Variants in TSPAN18 observed in about 807,000 individuals in gnomAD.
TSPAN18 encodes the protein tetraspanin 18.
A neutral mutation model predicts 27.3 loss-of-function variants in TSPAN18; 14 were observed. The observed-to-expected ratio is 0.51, with a 90% confidence interval of 0.34 to 0.80. The LOEUF (loss-of-function observed/expected upper bound fraction) is 0.80, where lower values mean the gene tolerates loss of function less well. TSPAN18 is among the 30% of genes least tolerant of loss of function. TSPAN18 has a pLI of 0.01. For synonymous variants in TSPAN18, 143 were observed against 136.5 expected (o/e 1.05, Z -0.33); for missense variants, 268 against 323.9 (o/e 0.83, Z 1.32).
intron 2 of TSPAN18, among the ~76,000 whole-genome samples, chr11:44,830,230 A>G (rs1165269409): frequency 6.6e-6 from 1 of 152,134 alleles, no homozygotes; most frequent in Non-Finnish European, 1.5e-5. Context: ...TCAGTGTTCA[A>G]TGCAGATACA....
chr11:44,783,105 G>A (rs2134957812), intron 2 of TSPAN18, among the ~76,000 whole-genome samples: 1 of 152,282 alleles, frequency 6.6e-6, no homozygotes, highest in African/African-American at 2.4e-5. Flanking sequence ...TGAGATTACA[G>A]GTGTGAGCCA....
intron 1 of TSPAN18, among the ~76,000 whole-genome samples, chr11:44,736,930 T>C (rs530813487): frequency 5.9e-5 from 9 of 152,246 alleles, no homozygotes; most frequent in Non-Finnish European, 1.3e-4. Context: ...TTAGGATTAC[T>C]TTAAATATTT....
At chr11:44,839,101 G>A (rs1005014947) in intron 2 of TSPAN18, among the ~76,000 whole-genome samples, 2 of 152,170 alleles carry the variant, frequency 1.3e-5, no homozygotes, top group Non-Finnish European at 2.9e-5. Context: ...ACAAAACAAG[G>A]AATTCTGTCT....
intron 2 of TSPAN18, among the ~76,000 whole-genome samples, chr11:44,781,012 A>T (rs1275633256): frequency 6.6e-6 from 1 of 152,218 alleles, no homozygotes; most frequent in Non-Finnish European, 1.5e-5. Context: ...TTTAAGAGAA[A>T]GCGGTTGCGA....
intron 2 of TSPAN18, among the ~76,000 whole-genome samples, chr11:44,848,913 T>A (rs1047312670): frequency 1.3e-5 from 2 of 152,164 alleles, no homozygotes; most frequent in Non-Finnish European, 2.9e-5. Context: ...AGGAGGCAGG[T>A]GCTGGGGCCC....
At chr11:44,926,458 G>A (rs1255614244) in intron 8 of TSPAN18, 1 of 562,064 alleles carries the variant, frequency 1.8e-6, no homozygotes. Flanking sequence ...CCACCTTAGG[G>A]GCCGGGTGGC....
intron 3 of TSPAN18, among the ~76,000 whole-genome samples, chr11:44,882,645 G>C (rs902224969): frequency 6.7e-6 from 1 of 149,938 alleles, no homozygotes; most frequent in Non-Finnish European, 1.5e-5. Flanking sequence ...GAGCATGTGC[G>C]TGCATGTATG....
At chr11:44,734,655 C>G (rs1854743902) in intron 1 of TSPAN18, among the ~76,000 whole-genome samples, 1 of 152,222 alleles carries the variant, frequency 6.6e-6, no homozygotes, top group South Asian at 2.1e-4. Flanking sequence ...TTGTGTTGAA[C>G]TAATATGGCT....
At chr11:44,791,804 C>A (rs914867254) in intron 2 of TSPAN18, among the ~76,000 whole-genome samples, 1 of 152,230 alleles carries the variant, frequency 6.6e-6, no homozygotes, top group Non-Finnish European at 1.5e-5. Context: ...GCACTCAAGG[C>A]ACCCTCACTT....
Position 44,919,938 on chromosome 11 carries a change from A to G in TSPAN18, c.554A>G (p.Asp185Gly). 6.2e-7 allele frequency: 1 copy of G among 1,614,190 alleles called. No individual in the cohort carries two copies. The highest frequency in any genetic ancestry group is 8.5e-7 in the Non-Finnish European group (1 of 1,180,020). Residue 185 changes from aspartate (D) to glycine (G), a missense_variant, in exon 8 of 10, where the codon GAC becomes GGC. Coordinates refer to ENST00000520358, the MANE Select transcript of TSPAN18 (RefSeq NM_130783.5). ...TGCCGGAGGGAACCCCAAAGTCGGG[A>G]CGGGGTCCTGCTGAGCCGGGAGGAG... ...ACCRREPQSR[D>G]GVLLSREECL...
At chr11:44,739,350 G>C (rs1043306610) in intron 1 of TSPAN18, among the ~76,000 whole-genome samples, 1 of 152,156 alleles carries the variant, frequency 6.6e-6, no homozygotes, top group Non-Finnish European at 1.5e-5. Flanking sequence ...GGCTGGGTGC[G>C]GTGGCTCATG....
chr11:44,929,541 GAA>G lies in TSPAN18; in HGVS notation c.*365_*366del. ...TCACTGCACCAGGACCTGATGCCAA[GAA>G]AGTGAGGATTTAGGCAACAAGGAGG... On this transcript the variant is annotated 3_prime_UTR_variant, in exon 10 of 10. Transcript: ENST00000520358. 4.0e-6 allele frequency: 1 copy of G among 248,182 alleles called. No homozygotes were observed. The highest frequency in any genetic ancestry group is 7.7e-6 in the Non-Finnish European group (1 of 130,350). 15.4% of individuals were successfully genotyped at this position (248,182 alleles called of 1,614,324 possible). A position where few individuals can be genotyped will look rare whatever the true frequency, so the allele number is the denominator to read the frequency against.
At chr11:44,897,819 A>T in intron 3 of TSPAN18, 1 of 1,289,418 alleles carries the variant, frequency 7.8e-7, no homozygotes, top group Non-Finnish European at 1.0e-6. Context: ...ATGCCCGAAG[A>T]ACTGCCCAGG....
intron 2 of TSPAN18, among the ~76,000 whole-genome samples, chr11:44,850,282 G>T (rs55979250): frequency 6.6e-6 from 1 of 152,156 alleles, no homozygotes; most frequent in Non-Finnish European, 1.5e-5. Flanking sequence ...CACATTTCAG[G>T]TGGGGTTAGA....
intron 8 of TSPAN18, among the ~76,000 whole-genome samples, chr11:44,923,568 C>T (rs746410430): frequency 3.7e-4 from 56 of 152,250 alleles, no homozygotes; most frequent in Non-Finnish European, 1.5e-4. Flanking sequence ...CTCATGCCAG[C>T]CCCCTTTCCC....
At chr11:44,788,996 A>T (rs1856127943) in intron 2 of TSPAN18, among the ~76,000 whole-genome samples, 1 of 152,232 alleles carries the variant, frequency 6.6e-6, no homozygotes. Flanking sequence ...ATGTGGAGAA[A>T]ACCACAAAAA....
intron 5 of TSPAN18, 44 bp downstream of exon 5, chr11:44,909,943 G>A: frequency 6.4e-7 from 1 of 1,564,246 alleles, no homozygotes; most frequent in Non-Finnish European, 8.7e-7. Flanking sequence ...GCTCTGAGGG[G>A]TGTCAGGGAT....
In TSPAN18 at chr11:44,820,548, G is replaced by A. The variant is rs1856906477; in HGVS notation, c.-152-39780G>A. 5.3e-5 allele frequency among the ~76,000 whole-genome samples: 8 copies of A among 152,314 alleles called. No individual in the cohort carries two copies. The South Asian group carries it at 1.7e-3, about 32-fold the overall frequency. On this transcript the variant is annotated intron_variant, in intron 2 of 9. Transcript: ENST00000520358. ...GAATCCTGTTTTGGCCACTTGCTGT[G>A]CATTTTTGGGCAAGTTCCTTAAACT...
intron 1 of TSPAN18, among the ~76,000 whole-genome samples, chr11:44,760,225 A>C (rs898896683): frequency 1.3e-5 from 2 of 152,226 alleles, no homozygotes; most frequent in Non-Finnish European, 2.9e-5. Context: ...AGTGCTCTCC[A>C]TTTATGGGCT....
Sources: allele counts gnomAD v4.1 joint callset (sites outside exome capture counted in the v4.1 genomes callset), GRCh38; gene constraint gnomAD v4.1.1; transcripts MANE v1.5; gene names NCBI Gene and HGNC (gene_info 2026-07-23, HGNC 2026-07-21).